KCNJ16: variants seen among roughly 807,000 people sequenced by gnomAD.
The protein encoded by KCNJ16 is potassium inwardly rectifying channel subfamily J member 16.
Under a neutral mutation model 18.5 loss-of-function variants are expected in KCNJ16, and 15 were observed. The observed-to-expected ratio is 0.81, with a 90% CI of 0.54 to 1.25. KCNJ16 has a LOEUF of 1.25. KCNJ16 is among the 50% of genes most tolerant of loss of function. The pLI, the probability that KCNJ16 is intolerant of heterozygous loss-of-function variation, is 0.00. For missense variants in KCNJ16, 523 were observed against 525.7 expected (o/e 0.99, Z 0.05); for synonymous variants, 174 against 186.5 (o/e 0.93, Z 0.55).
At chr17:70,110,478 G>GTGCACACA (rs1491105871) in intron 2 of KCNJ16, among the ~76,000 whole-genome samples, 3 of 122,242 alleles carry the variant, frequency 2.5e-5, no homozygotes, top group African/African-American at 1.2e-4. Flanking sequence ...CACACTTCGT[G>GTGCACACA]CGCGCACACA....
intron 2 of KCNJ16, among the ~76,000 whole-genome samples, chr17:70,103,321 TACA>T (rs1405204788): frequency 1.3e-4 from 6 of 44,488 alleles, no homozygotes; most frequent in Non-Finnish European, 3.1e-4. Flanking sequence ...TATATATATA[TACA>T]CACACATATA....
chr17:70,102,506 G>A (rs987412454), intron 2 of KCNJ16, among the ~76,000 whole-genome samples: 1 of 152,014 alleles, frequency 6.6e-6, no homozygotes, highest in Non-Finnish European at 1.5e-5. Context: ...GATTACAGGC[G>A]TGAGCCACCG....
At chr17:70,103,473 C>T (rs1172316982) in intron 2 of KCNJ16, among the ~76,000 whole-genome samples, 3 of 151,570 alleles carry the variant, frequency 2.0e-5, no homozygotes, top group South Asian at 2.1e-4. Flanking sequence ...GACCACACTG[C>T]CTTTTGCTTG....
intron 1 of KCNJ16, among the ~76,000 whole-genome samples, chr17:70,078,196 TC>T (rs1364662520): frequency 6.6e-6 from 1 of 152,186 alleles, no homozygotes; most frequent in Non-Finnish European, 1.5e-5. Context: ...TAGAGGCTTC[TC>T]ACTATTAAAT....
intron 1 of KCNJ16, among the ~76,000 whole-genome samples, chr17:70,088,168 T>A (rs1185816972): frequency 6.6e-6 from 1 of 152,162 alleles, no homozygotes; most frequent in Non-Finnish European, 1.5e-5. Context: ...GGCAGCGGTT[T>A]CCAACCCTTT....
Position 70,110,482 on chromosome 17 carries a change from GCA to G in KCNJ16, c.-191+9735_-191+9736del, listed in dbSNP as rs34424075. On this transcript the variant is annotated intron_variant, in intron 2 of 3. Coordinates refer to ENST00000392671, the MANE Select transcript of KCNJ16 (RefSeq NM_170741.4). Reference sequence around the variant, plus strand: ...TTACACACCTACACACTTCGTGCGCGCACACACACACACACACACAAACTCAT... The same window carrying G: ...TTACACACCTACACACTTCGTGCGCGCACACACACACACACACAAACTCAT... Among the ~76,000 whole-genome samples, 33 of 149,528 alleles carry G rather than the reference GCA, an allele frequency of 2.2e-4. 1 individual carries two copies. Among genetic ancestry groups the G allele is most frequent in the East Asian group, 2.0e-3 (10 of 5,106 alleles).
rs532980025 is a variant in KCNJ16 at position 70,133,321 on chromosome 17, A to G, written c.1234A>G (p.Ile412Val). The G allele has an allele frequency of 1.2e-5, 19 of 1,612,992 alleles. No individual in the cohort carries two copies. The highest frequency in any genetic ancestry group is 4.5e-5 in the East Asian group (2 of 44,846). The change falls in exon 4 of 4, where the codon ATC becomes GTC. Residue 412 changes from isoleucine (I) to valine (V), a missense_variant. By Grantham distance (29) the Ile-to-Val change is conservative (BLOSUM62 3). Coordinates refer to ENST00000392671, the MANE Select transcript of KCNJ16 (RefSeq NM_170741.4). ...YQKALLTLNRISVESQM is the reference protein window; with the variant it reads ...YQKALLTLNRVSVESQM Reference sequence around the variant, plus strand: ...GAAAGCTCTCCTGACTTTAAACAGAATCTCTGTAGAATCCCAAATGTAGTC... The same window carrying G: ...GAAAGCTCTCCTGACTTTAAACAGAGTCTCTGTAGAATCCCAAATGTAGTC...
At chr17:70,118,121 G>A (rs2073483846) in intron 2 of KCNJ16, among the ~76,000 whole-genome samples, 1 of 152,146 alleles carries the variant, frequency 6.6e-6, no homozygotes, top group South Asian at 2.1e-4. Flanking sequence ...ACAAGAGGCA[G>A]ATTTTATCAG....
intron 2 of KCNJ16, among the ~76,000 whole-genome samples, chr17:70,121,858 T>A (rs1297081071): frequency 6.6e-6 from 1 of 151,744 alleles, no homozygotes; most frequent in African/African-American, 2.4e-5. Flanking sequence ...AGCTACGAGG[T>A]TGAGGTATGA....
At chr17:70,101,607 T>G (rs2143842448) in intron 2 of KCNJ16, 1 of 150,980 alleles carries the variant, frequency 6.6e-6, no homozygotes, top group South Asian at 2.1e-4. Flanking sequence ...TGAGAAAGAG[T>G]CTCGCTCTGT....
At chr17:70,131,483 G>A in intron 3 of KCNJ16, 1 of 998,488 alleles carries the variant, frequency 1.0e-6, no homozygotes, top group Non-Finnish European at 1.2e-6. Flanking sequence ...TGCTGAAGGT[G>A]AGGGATTACC....
chr17:70,131,867 G>A, intron 3 of KCNJ16, 128 bp from the exon 4 acceptor site: 1 of 767,896 alleles, frequency 1.3e-6, no homozygotes, highest in Non-Finnish European at 2.0e-6. Flanking sequence ...AATCAATACT[G>A]TGCACCTAAT....
chr17:70,106,883 C>T (rs563345819), intron 2 of KCNJ16, among the ~76,000 whole-genome samples: 23 of 152,202 alleles, frequency 1.5e-4, no homozygotes, highest in African/African-American at 2.4e-4. Context: ...TTAACAGAGA[C>T]GAATAATGTT....
intron 2 of KCNJ16, among the ~76,000 whole-genome samples, chr17:70,114,418 A>G (rs2073319028): frequency 6.6e-6 from 1 of 152,192 alleles, no homozygotes; most frequent in Non-Finnish European, 1.5e-5. Flanking sequence ...CGTAAATGCC[A>G]AATTTTGAGA....
At chr17:70,131,257 C>A in intron 3 of KCNJ16, 2 of 838,248 alleles carry the variant, frequency 2.4e-6, no homozygotes, top group Non-Finnish European at 3.2e-6. Context: ...GAGACAAAGA[C>A]AGAGGCAATT....
intron 1 of KCNJ16, among the ~76,000 whole-genome samples, chr17:70,077,913 T>C (rs2071386147): frequency 6.6e-6 from 1 of 152,152 alleles, no homozygotes; most frequent in Non-Finnish European, 1.5e-5. Flanking sequence ...GCATGAAGAA[T>C]GCTTTCCTAT....
chr17:70,102,175 A>C (rs1444958507), intron 2 of KCNJ16: 1 of 149,244 alleles, frequency 6.7e-6, no homozygotes, highest in African/African-American at 2.5e-5. Context: ...TACGAGACCA[A>C]TCAGGACACC....
chr17:70,116,861 T>C (rs1393263972), intron 2 of KCNJ16, among the ~76,000 whole-genome samples: 2 of 152,194 alleles, frequency 1.3e-5, no homozygotes, highest in Non-Finnish European at 2.9e-5. Context: ...GGTGGGAATG[T>C]AAATTAGTTC....
chr17:70,103,240 T>C (rs1399375969), intron 2 of KCNJ16, among the ~76,000 whole-genome samples: 1 of 138,100 alleles, frequency 7.2e-6, no homozygotes, highest in Non-Finnish European at 1.6e-5. Flanking sequence ...TATATATTTA[T>C]GTGTATATAT....
Sources: allele counts gnomAD v4.1 joint callset (sites outside exome capture counted in the v4.1 genomes callset), GRCh38; gene constraint gnomAD v4.1.1; transcripts MANE v1.5; gene names NCBI Gene and HGNC (gene_info 2026-07-23, HGNC 2026-07-21).